Variants in CPLANE1 observed in about 807,000 individuals in gnomAD.
CPLANE1 encodes ciliogenesis and planar polarity effector 1.
In CPLANE1, 263 loss-of-function variants were observed where a neutral mutation model predicts 362.5. The ratio of observed to expected loss-of-function variants is 0.73; its 90% CI spans 0.66 to 0.80. CPLANE1 has a LOEUF of 0.80. Among genes scored for constraint, CPLANE1 ranks in the 30% least tolerant of loss-of-function variants. The pLI is 0.00. For synonymous variants in CPLANE1, 1,212 were observed against 1,302.6 expected (o/e 0.93, Z 1.50); for missense variants, 3,461 against 3,793.4 (o/e 0.91, Z 2.30).
chr5:37,238,004 C>A lies in CPLANE1; in HGVS notation c.938+853G>T, dbSNP rs1484713274. 2.6e-5 allele frequency among the ~76,000 whole-genome samples: 4 copies of A among 152,168 alleles called. No individual in the cohort carries two copies. In the South Asian group the frequency reaches 6.2e-4, roughly 24 times the overall value. Reference sequence around the variant, plus strand: ...GACCAGCATGGTCAATATAGCAAGACCCTGTCTCTACAAAAAACTTTAAAA... The same window carrying A: ...GACCAGCATGGTCAATATAGCAAGAACCTGTCTCTACAAAAAACTTTAAAA... On this transcript the variant is annotated intron_variant, in intron 8 of 52. Coordinates refer to ENST00000651892, the MANE Select transcript of CPLANE1 (RefSeq NM_001384732.1).
At chr5:37,103,254 T>C (rs1757383538), downstream of CPLANE1, among the ~76,000 whole-genome samples, 1 of 152,244 alleles carries the variant, frequency 6.6e-6, no homozygotes, top group Admixed American at 6.5e-5. Context: ...TTTGAGCCTA[T>C]GTGTGTCTTT....
intron 35 of CPLANE1, 131 bp from the exon 36 acceptor site, chr5:37,165,802 T>C: frequency 1.2e-6 from 1 of 827,070 alleles, no homozygotes; most frequent in Non-Finnish European, 1.8e-6. Context: ...TTTAATTAAA[T>C]TGGCAAGATA....
chr5:37,111,693 G>C (rs1249881350), intron 51 of CPLANE1, among the ~76,000 whole-genome samples: 1 of 152,190 alleles, frequency 6.6e-6, no homozygotes, highest in Admixed American at 6.5e-5. Context: ...TCCAATGTGA[G>C]AGCTATGCTC....
In CPLANE1 at chr5:37,140,604, G is replaced by T. The variant is rs553629731; in HGVS notation, c.8633-1234C>A. 4.1e-6 allele frequency: 4 copies of T among 985,388 alleles called. No homozygotes were observed. The East Asian group carries it at 3.4e-4, about 84-fold the overall frequency. The allele number at this position is 985,388 out of a possible 1,614,324, so 61.0% of individuals were successfully genotyped here. Reference sequence around the variant, plus strand: ...TTCTATCAGTATTTGAGAGGCCCCTGCTGGCCTATTCACGAAAAAAAGCTT... The same window carrying T: ...TTCTATCAGTATTTGAGAGGCCCCTTCTGGCCTATTCACGAAAAAAAGCTT... On this transcript the variant is annotated intron_variant, in intron 44 of 52. Transcript: ENST00000651892.
chr5:37,139,600 T>C, intron 44 of CPLANE1: 1 of 814,904 alleles, frequency 1.2e-6, no homozygotes, highest in Non-Finnish European at 1.6e-6. Context: ...TCACCCAGGC[T>C]AAGTGCAGCG....
At chr5:37,122,838 G>A (rs1048150228) in intron 47 of CPLANE1, among the ~76,000 whole-genome samples, 4 of 151,946 alleles carry the variant, frequency 2.6e-5, no homozygotes, top group African/African-American at 7.3e-5. Context: ...CTGAGATAGC[G>A]CCACTGCACT....
chr5:37,240,346 T>C (rs1442740509), intron 6 of CPLANE1, among the ~76,000 whole-genome samples: 3 of 151,918 alleles, frequency 2.0e-5, no homozygotes, highest in Admixed American at 6.6e-5. Context: ...TGAGACTCCA[T>C]ATCAAAGAAA....
At chr5:37,131,864 G>GCC (rs1765930487) in intron 46 of CPLANE1, among the ~76,000 whole-genome samples, 1 of 152,048 alleles carries the variant, frequency 6.6e-6, no homozygotes, top group South Asian at 2.1e-4. Flanking sequence ...TTGCTACATT[G>GCC]CCCAGGCTGG....
chr5:37,239,909 T>C, intron 6 of CPLANE1, 40 bp from the exon 7 acceptor site: 4 of 1,370,810 alleles, frequency 2.9e-6, no homozygotes, highest in Non-Finnish European at 3.9e-6. Context: ...AAAGGTATAG[T>C]AACTTTTAAA....
rs1778421119 is a variant in CPLANE1, at chr5:37,166,993, T to C, written c.7400+54A>G. The C allele has an allele frequency of 5.2e-6, 7 of 1,358,248 alleles. No homozygotes were observed. The Admixed American group carries it at 1.3e-4, about 26-fold the overall frequency. 84.1% of individuals were successfully genotyped at this position (1,358,248 alleles called of 1,614,324 possible). A position where few individuals can be genotyped will look rare whatever the true frequency, so the allele number is the denominator to read the frequency against. On this transcript the variant is annotated intron_variant, in intron 35 of 52. Transcript: ENST00000651892. ...CAGATTACTGTGTGATTATAAATAA[T>C]AATGAACTTGCTGATATATGATATT...
chr5:37,189,500 T>C (rs1388723081), intron 21 of CPLANE1, among the ~76,000 whole-genome samples: 5 of 152,206 alleles, frequency 3.3e-5, no homozygotes, highest in Admixed American at 3.3e-4. Flanking sequence ...TTATTTCATA[T>C]TTCACAGGCA....
At chr5:37,096,067 G>A in the CPLANE1 span, among the ~76,000 whole-genome samples, 1 of 152,018 alleles carries the variant, frequency 6.6e-6, no homozygotes, top group Non-Finnish European at 1.5e-5. Flanking sequence ...CACAGAATTA[G>A]AAAAAACAAT....
At chr5:37,222,954 A>G (rs1795674692) in intron 14 of CPLANE1, among the ~76,000 whole-genome samples, 1 of 152,180 alleles carries the variant, frequency 6.6e-6, no homozygotes, top group African/African-American at 2.4e-5. Flanking sequence ...TAAACAGCCT[A>G]TTCTTATTTG....
At position 37,169,274 on chromosome 5, in the gene CPLANE1, G is replaced by A; in HGVS notation, c.6750C>T (p.Pro2250=). The A allele has an allele frequency of 6.2e-7, 1 of 1,614,156 alleles. No individual in the cohort carries two copies. The highest frequency in any genetic ancestry group is 2.2e-5 in the East Asian group (1 of 44,878). Residue 2250 remains proline (P), a synonymous_variant, in exon 34 of 53, where the codon CCC becomes CCT. Transcript: ENST00000651892. ...FLHTGSIPQV[P]FRPLPQPREA... is the part of the protein sequence containing the mutation. ...CTCTTGGTTGTGGCAAAGGCCTGAA[G>A]GGAACTTGTGGAATACTTCCTGTAT... is the stretch of plus-strand genomic sequence containing the variant.
chr5:37,187,072 A>AAAAAAAAAAC lies in CPLANE1; in HGVS notation c.4080+341_4080+342insGTTTTTTTTT, dbSNP rs1561539149. Among the ~76,000 whole-genome samples the AAAAAAAAAAC allele has an allele frequency of 2.5e-4, 37 of 147,766 alleles. 1 individual carries two copies. Among genetic ancestry groups the AAAAAAAAAAC allele is most frequent in the African/African-American group, 8.8e-4 (35 of 39,756 alleles). ...CGAGACTCCGTCTCAAAAAAAAAAA[A>AAAAAAAAAAC]AAAAAAAAAAAAAAACTATAGTCAC... On this transcript the variant is annotated intron_variant, in intron 23 of 52. Transcript: ENST00000651892.
At chr5:37,204,183 C>T (rs10062236) in intron 18 of CPLANE1, among the ~76,000 whole-genome samples, 2,110 of 152,244 alleles carry the variant, frequency 0.014, 52 homozygotes, top group African/African-American at 0.048. Context: ...AGCAAAAGAA[C>T]TGCACAGAAA....
chr5:37,152,949 TATAAA>T (rs148304320), intron 42 of CPLANE1, among the ~76,000 whole-genome samples: 1,755 of 152,254 alleles, frequency 0.012, 24 homozygotes, highest in Non-Finnish European at 0.015. Context: ...AACTCTCTTA[TATAAA>T]ATATTTAAAA....
At chr5:37,193,948 G>A (rs1269382534) in intron 21 of CPLANE1, among the ~76,000 whole-genome samples, 1 of 147,148 alleles carries the variant, frequency 6.8e-6, no homozygotes, top group East Asian at 2.0e-4. Context: ...TTGAGACAGA[G>A]TCTCGTCCTG....
intron 51 of CPLANE1, 77 bp downstream of exon 51, chr5:37,114,883 A>G (rs1760457674): frequency 1.2e-6 from 1 of 861,682 alleles, no homozygotes; most frequent in Non-Finnish European, 1.8e-6. Context: ...TGGGCAACAG[A>G]GTGAGACTCT....
Sources: allele counts gnomAD v4.1 joint callset (sites outside exome capture counted in the v4.1 genomes callset), GRCh38; gene constraint gnomAD v4.1.1; transcripts MANE v1.5; gene names NCBI Gene and HGNC (gene_info 2026-07-23, HGNC 2026-07-21).